Variants in PHACTR1 observed in about 807,000 individuals in gnomAD.
The protein encoded by PHACTR1 is RPEL repeat containing 1.
A neutral mutation model predicts 69.2 loss-of-function variants in PHACTR1; 16 were observed. The observed-to-expected ratio is 0.23, with a 90% confidence interval of 0.16 to 0.35. PHACTR1 has a LOEUF of 0.35. Ranked by LOEUF, PHACTR1 falls within the 10% of genes least tolerant of loss-of-function variation. The pLI is 1.00. For synonymous variants in PHACTR1, 312 were observed against 284.5 expected (o/e 1.10, Z -0.97); for missense variants, 510 against 734.7 (o/e 0.69, Z 3.54).
chr6:12,846,615 T>A (rs9369607), intron 4 of PHACTR1, among the ~76,000 whole-genome samples: 14,832 of 152,206 alleles, frequency 0.097, 801 homozygotes, highest in East Asian at 0.18. Context: ...TATTGAGCTT[T>A]TTAGTCATAT....
chr6:13,080,877 A>G (rs1168021140), intron 5 of PHACTR1, among the ~76,000 whole-genome samples: 1 of 152,188 alleles, frequency 6.6e-6, no homozygotes, highest in Non-Finnish European at 1.5e-5. Context: ...AGAAAAAAAA[A>G]GTTTTTAATG....
chr6:13,206,569 T>C (rs539097789), intron 8 of PHACTR1, among the ~76,000 whole-genome samples: 1 of 152,300 alleles, frequency 6.6e-6, no homozygotes, highest in East Asian at 1.9e-4. Flanking sequence ...CCACAACACT[T>C]CTAATATTAA....
intron 7 of PHACTR1, among the ~76,000 whole-genome samples, chr6:13,190,227 G>C (rs1479477974): frequency 3.1e-5 from 2 of 63,524 alleles, no homozygotes; most frequent in African/African-American, 9.6e-5. Context: ...TAGAGGTGGG[G>C]TTTCACCATA....
At chr6:12,834,472 G>T (rs749842749) in intron 4 of PHACTR1, among the ~76,000 whole-genome samples, 13 of 152,116 alleles carry the variant, frequency 8.5e-5, no homozygotes, top group Non-Finnish European at 1.9e-4. Flanking sequence ...TGTTATCCAA[G>T]AAGTTAAAAT....
chr6:12,756,564 T>C (rs1208524874), intron 4 of PHACTR1, among the ~76,000 whole-genome samples: 2 of 152,218 alleles, frequency 1.3e-5, no homozygotes, highest in Non-Finnish European at 2.9e-5. Flanking sequence ...ACAGGAATAA[T>C]ATCACACTAG....
At chr6:13,061,645 G>A (rs867038426) in intron 5 of PHACTR1, among the ~76,000 whole-genome samples, 1 of 152,070 alleles carries the variant, frequency 6.6e-6, no homozygotes, top group Non-Finnish European at 1.5e-5. Flanking sequence ...TTCAAAACAC[G>A]GTAAATGATC....
intron 4 of PHACTR1, among the ~76,000 whole-genome samples, chr6:12,936,608 G>A (rs1789478062): frequency 6.6e-6 from 1 of 152,320 alleles, no homozygotes; most frequent in Admixed American, 6.5e-5. Flanking sequence ...CCAAGCACAT[G>A]TTCCATAGGA....
chr6:13,060,891 G>C (rs957885408), intron 5 of PHACTR1, among the ~76,000 whole-genome samples: 3 of 152,156 alleles, frequency 2.0e-5, no homozygotes, highest in Non-Finnish European at 4.4e-5. Context: ...AGGGAGATTG[G>C]GTTAGTTTCC....
chr6:13,047,882 G>A (rs1175173908), intron 4 of PHACTR1, among the ~76,000 whole-genome samples: 1 of 151,972 alleles, frequency 6.6e-6, no homozygotes, highest in Non-Finnish European at 1.5e-5. Context: ...GGAGCGCCCC[G>A]AGCCCCGGCC....
At chr6:13,200,428 G>A (rs748939492) in intron 7 of PHACTR1, among the ~76,000 whole-genome samples, 5 of 152,016 alleles carry the variant, frequency 3.3e-5, no homozygotes, top group Non-Finnish European at 4.4e-5. Context: ...TTACAGGCAC[G>A]TGCCACCACA....
chr6:12,832,202 G>C (rs778529051), intron 4 of PHACTR1, among the ~76,000 whole-genome samples: 13 of 152,018 alleles, frequency 8.6e-5, no homozygotes, highest in African/African-American at 7.2e-5. Context: ...AAATCTAGGG[G>C]TTCTCTCCCA....
At chr6:13,239,478 T>C (rs1021516417) in intron 10 of PHACTR1, among the ~76,000 whole-genome samples, 4 of 151,998 alleles carry the variant, frequency 2.6e-5, no homozygotes, top group Admixed American at 1.3e-4. Flanking sequence ...ACCTGTTTGA[T>C]AGAAAGTTAA....
chr6:13,027,811 G>A (rs1801915280), intron 4 of PHACTR1, among the ~76,000 whole-genome samples: 1 of 152,096 alleles, frequency 6.6e-6, no homozygotes, highest in Admixed American at 6.5e-5. Flanking sequence ...AAGCACCTGG[G>A]ATTACAGGCA....
At position 13,091,858 on chromosome 6, in the gene PHACTR1, C is replaced by T. The variant is rs568341011; in HGVS notation, c.415+38329C>T. Among the ~76,000 whole-genome samples the T allele has an allele frequency of 8.5e-5, 13 of 152,196 alleles. 1 individual carries two copies. Among genetic ancestry groups the T allele is most frequent in the East Asian group, 3.9e-4 (2 of 5,172 alleles). ...TGTCACCCAGGCTGGAGTGCAATGG[C>T]GCAATCTCGGCTCACTGCAACCTCT... On this transcript the variant is annotated intron_variant, in intron 5 of 14. Transcript: ENST00000332995.
intron 4 of PHACTR1, among the ~76,000 whole-genome samples, chr6:13,039,477 C>T (rs1049663622): frequency 2.6e-5 from 4 of 152,160 alleles, no homozygotes; most frequent in African/African-American, 9.7e-5. Flanking sequence ...TTCAGGACAG[C>T]CAAGATTGAT....
intron 4 of PHACTR1, among the ~76,000 whole-genome samples, chr6:12,827,581 A>C (rs1024639851): frequency 2.6e-5 from 4 of 152,208 alleles, no homozygotes; most frequent in African/African-American, 9.6e-5. Context: ...GAGTCAAGAG[A>C]GGTATTTCAT....
At chr6:12,966,429 G>A (rs1418445514) in intron 4 of PHACTR1, among the ~76,000 whole-genome samples, 1 of 152,208 alleles carries the variant, frequency 6.6e-6, no homozygotes, top group Non-Finnish European at 1.5e-5. Flanking sequence ...AACAGGGAAT[G>A]CAAACCCAGG....
At chr6:12,989,063 T>A (rs1467794514) in intron 4 of PHACTR1, among the ~76,000 whole-genome samples, 2 of 152,194 alleles carry the variant, frequency 1.3e-5, no homozygotes, top group Non-Finnish European at 2.9e-5. Flanking sequence ...CCACTCAAGA[T>A]GAATATTTAC....
intron 4 of PHACTR1, among the ~76,000 whole-genome samples, chr6:12,812,139 A>G (rs766903051): frequency 2.0e-5 from 3 of 152,184 alleles, no homozygotes; most frequent in Non-Finnish European, 4.4e-5. Flanking sequence ...CCATGTGGCC[A>G]CTTAGCAGTC....
Sources: allele counts gnomAD v4.1 joint callset (sites outside exome capture counted in the v4.1 genomes callset), GRCh38; gene constraint gnomAD v4.1.1; transcripts MANE v1.5; gene names NCBI Gene and HGNC (gene_info 2026-07-23, HGNC 2026-07-21).